ADAP1: variants seen among roughly 807,000 people sequenced by gnomAD.
ADAP1 encodes arf-GAP with dual PH domain-containing protein 1.
In ADAP1, 31 loss-of-function variants were observed where a neutral mutation model predicts 54.9. That is an observed-to-expected ratio of 0.56 (90% CI 0.42 to 0.76). ADAP1 has a LOEUF of 0.76. Ranked by LOEUF, ADAP1 falls within the 30% of genes least tolerant of loss-of-function variation. The probability of loss-of-function intolerance (pLI) is 0.00; values close to 1 mark genes in which losing one functional copy is unlikely to be tolerated. For missense variants in ADAP1, 535 were observed against 512.4 expected, an observed-to-expected ratio of 1.04 and a Z score of -0.42; for synonymous variants, 313 against 202.6, an observed-to-expected ratio of 1.55 and a Z score of -4.63.
chr7:954,168 T>TG (rs1370453029), intron 1 of ADAP1, among the ~76,000 whole-genome samples: 86 of 143,050 alleles, frequency 6.0e-4, no homozygotes, highest in Admixed American at 8.2e-4. Context: ...CCGGGGGTCC[T>TG]GGGGGGGGCC....
chr7:923,562 G>A (rs1041176017), intron 3 of ADAP1, among the ~76,000 whole-genome samples: 1 of 152,106 alleles, frequency 6.6e-6, no homozygotes, highest in African/African-American at 2.4e-5. Flanking sequence ...AGATAAAGAG[G>A]GCACACGAGA....
intron 5 of ADAP1, 81 bp from the exon 6 acceptor site, chr7:904,353 G>C (rs550621774): frequency 1.3e-6 from 2 of 1,495,614 alleles, no homozygotes; most frequent in East Asian, 2.4e-5. Context: ...CCCTGTGGGT[G>C]CTGGCGGCGC....
chr7:899,931 C>T (rs1183156173), intron 8 of ADAP1, among the ~76,000 whole-genome samples, 171 bp downstream of exon 8: 3 of 152,230 alleles, frequency 2.0e-5, no homozygotes, highest in Non-Finnish European at 2.9e-5. Context: ...AAGCCTAGGA[C>T]AGTGGCCCGA....
chr7:906,194 G>T, intron 4 of ADAP1, among the ~76,000 whole-genome samples: 2 of 74,106 alleles, frequency 2.7e-5, no homozygotes, highest in Non-Finnish European at 2.9e-5. Flanking sequence ...GGAGAAAGGA[G>T]AAAGGAGAAA....
chr7:900,028 G>C (rs772983661), intron 8 of ADAP1, 74 bp downstream of exon 8: 1 of 1,546,310 alleles, frequency 6.5e-7, no homozygotes, highest in Non-Finnish European at 8.9e-7. Flanking sequence ...AGCTGGCAAG[G>C]CTGCTGCACT....
intron 6 of ADAP1, among the ~76,000 whole-genome samples, chr7:902,221 G>C (rs918460278): frequency 4.0e-5 from 6 of 150,940 alleles, no homozygotes; most frequent in African/African-American, 1.5e-4. Flanking sequence ...CACTTTGGGA[G>C]GCTGAGGCAG....
Position 920,116 on chromosome 7 carries a change from C to A in ADAP1, c.306-66G>T. The stretch of plus-strand genomic sequence containing the variant: ...CCTCCGACCCAGCACACGCCGCTCT[C>A]TGGCCCGGACCCTGGACATCTCAAG... On this transcript the variant is annotated intron_variant, in intron 3 of 10. Transcript: ENST00000265846. This position sits in a 1 kb window ranked among gnomAD's most constrained non-coding sequence, Gnocchi z 4.5. The A allele has an allele frequency of 6.8e-7, 1 of 1,466,318 alleles. No individual in the cohort carries two copies. The highest frequency in any genetic ancestry group is 9.3e-7 in the Non-Finnish European group (1 of 1,069,714). 90.8% of individuals were successfully genotyped at this position (1,466,318 alleles called of 1,614,324 possible).
intron 2 of ADAP1, among the ~76,000 whole-genome samples, chr7:930,979 CAA>C (rs545321889): frequency 1.7e-4 from 14 of 83,304 alleles, no homozygotes; most frequent in Admixed American, 2.9e-4. Context: ...GACTGTGTCT[CAA>C]AAAAAAAAAA....
In ADAP1 at chr7:926,509, C is replaced by T. The variant is rs763076858; in HGVS notation, c.305+44G>A. On this transcript the variant is annotated intron_variant, in intron 3 of 10. Transcript: ENST00000265846. This position sits in a 1 kb window ranked among gnomAD's most constrained non-coding sequence, Gnocchi z 4.6. Reference sequence around the variant, plus strand: ...TCCTCCCGGGGCCATCTCGGAGCCACCCAGCACTTGACCATGGCCCTGACA... The same window carrying T: ...TCCTCCCGGGGCCATCTCGGAGCCATCCAGCACTTGACCATGGCCCTGACA... 14 of 1,487,612 alleles carry T rather than the reference C, an allele frequency of 9.4e-6. No homozygotes were observed. In the Admixed American group the frequency reaches 3.2e-4, roughly 35 times the overall value. 92.2% of individuals were successfully genotyped at this position (1,487,612 alleles called of 1,614,324 possible).
intron 4 of ADAP1, among the ~76,000 whole-genome samples, chr7:907,184 G>A (rs918181313): frequency 9.2e-5 from 14 of 152,268 alleles, no homozygotes; most frequent in African/African-American, 2.6e-4. Flanking sequence ...ACCACACACA[G>A]CCACAGAAAA....
intron 4 of ADAP1, among the ~76,000 whole-genome samples, chr7:918,002 T>A (rs574093094): frequency 6.3e-4 from 96 of 152,330 alleles, no homozygotes; most frequent in African/African-American, 2.2e-3. Flanking sequence ...TTGCTCAGGC[T>A]GGTCTTGAAC....
At chr7:947,226 T>A (rs960450468) in intron 1 of ADAP1, among the ~76,000 whole-genome samples, 1 of 147,138 alleles carries the variant, frequency 6.8e-6, no homozygotes, top group African/African-American at 2.5e-5. Flanking sequence ...TTTTTTTTTT[T>A]TTTTTTTTTT....
chr7:920,734 A>G lies in ADAP1; in HGVS notation c.306-684T>C. The G allele has an allele frequency of 6.7e-7, 1 of 1,493,320 alleles. No individual in the cohort carries two copies. Among genetic ancestry groups the G allele is most frequent in the African/African-American group, 1.4e-5 (1 of 71,512 alleles). 92.5% of individuals were successfully genotyped at this position (1,493,320 alleles called of 1,614,324 possible). On this transcript the variant is annotated intron_variant, in intron 3 of 10. Coordinates refer to ENST00000265846, the MANE Select transcript of ADAP1 (RefSeq NM_006869.4). The surrounding 1 kb of genome is among the most constrained non-coding windows in gnomAD (Gnocchi z 4.5). ...CCCACGGCACCCACTGAGCCCAGAC[A>G]TCCCTGCCCAGAGCCACCCACCACG...
rs557050210 is a variant in ADAP1 at position 938,587 on chromosome 7, G to A, written c.83-3082C>T. Among the ~76,000 whole-genome samples the A allele has an allele frequency of 2.8e-4, 43 of 152,310 alleles. No individual in the cohort carries two copies. The highest frequency in any genetic ancestry group is 8.4e-4 in the African/African-American group (35 of 41,558). ...CTCCCCCCGGGCTCCGTCTTCTCCC[G>A]AAGCCTTGGTGAAAGATGCCGCAAA... On this transcript the variant is annotated intron_variant, in intron 1 of 10. Transcript: ENST00000265846. This position sits in a 1 kb window ranked among gnomAD's most constrained non-coding sequence, Gnocchi z 4.4.
chr7:906,723 C>G (rs56104911), intron 4 of ADAP1, among the ~76,000 whole-genome samples: 2 of 18,456 alleles, frequency 1.1e-4, no homozygotes, highest in African/African-American at 5.2e-4. Flanking sequence ...ACATCGGGGA[C>G]GGGACATGGG....
At chr7:907,949 G>A (rs1005526919) in intron 4 of ADAP1, among the ~76,000 whole-genome samples, 6 of 151,992 alleles carry the variant, frequency 3.9e-5, no homozygotes, top group Middle Eastern at 6.9e-3. Context: ...CAGGGGTCGC[G>A]GGGCCGTCTG....
intron 2 of ADAP1, among the ~76,000 whole-genome samples, chr7:931,748 A>G (rs763740872): frequency 1.8e-4 from 27 of 147,826 alleles, no homozygotes; most frequent in Non-Finnish European, 3.4e-4. Flanking sequence ...TTTAAAAGGT[A>G]TTATCAAGGA....
At chr7:906,562 G>T (rs56051349) in intron 4 of ADAP1, among the ~76,000 whole-genome samples, 1 of 12,348 alleles carries the variant, frequency 8.1e-5, no homozygotes, top group Non-Finnish European at 2.1e-4. Flanking sequence ...GGGAGAAAGG[G>T]AAAGGAGAAA....
At chr7:905,859 G>GGAGAAA (rs1583131208) in intron 4 of ADAP1, among the ~76,000 whole-genome samples, 1 of 50,880 alleles carries the variant, frequency 2.0e-5, no homozygotes, top group African/African-American at 5.6e-5. Context: ...GAAGGGAGAA[G>GGAGAAA]GGAGAAGGGA....
Sources: gnomAD v4.1 joint callset for allele counts (sites outside exome capture counted in the v4.1 genomes callset) on GRCh38, gnomAD v4.1.1 for gene constraint, Gnocchi (gnomAD v3.1) non-coding constraint, MANE v1.5 for transcripts, NCBI Gene and HGNC (gene_info 2026-07-23, HGNC 2026-07-21) for gene names.